Variants in MIA2 observed in about 807,000 individuals in gnomAD.
MIA2 encodes the protein MIA SH3 domain ER export factor 2.
In MIA2, 127 loss-of-function variants were observed where a neutral mutation model predicts 167.8. The observed-to-expected ratio is 0.76, with a 90% CI of 0.66 to 0.88. The LOEUF (loss-of-function observed/expected upper bound fraction) is 0.88. Ranked by LOEUF, MIA2 falls within the 40% of genes least tolerant of loss-of-function variation. MIA2 has a pLI of 0.00. For missense variants in MIA2, 1,690 were observed against 1,624.7 expected (o/e 1.04, Z -0.69); for synonymous variants, 552 against 541.9 (o/e 1.02, Z -0.26).
chr14:39,246,506 C>T (rs2054318215), intron 3 of MIA2, among the ~76,000 whole-genome samples: 1 of 152,096 alleles, frequency 6.6e-6, no homozygotes. Context: ...ATGCTTGAGG[C>T]CAGAAGTTCA....
intron 20 of MIA2, 25 bp from the exon 21 acceptor site, chr14:39,315,658 G>C: frequency 6.6e-7 from 1 of 1,518,038 alleles, no homozygotes; most frequent in Non-Finnish European, 9.1e-7. Context: ...ATGGTCAGTA[G>C]CATTTTAATT....
rs1566746769 is a variant in MIA2, at chr14:39,288,449, A to ATTTTTTTTTT, written c.2131-2569_2131-2568insTTTTTTTTTT. 6.9e-4 allele frequency among the ~76,000 whole-genome samples: 3 copies of ATTTTTTTTTT among 4,376 alleles called. 1 individual carries two copies. Among genetic ancestry groups the ATTTTTTTTTT allele is most frequent in the East Asian group, 8.0e-3 (2 of 250 alleles). 2.9% of individuals were successfully genotyped at this position (4,376 alleles called of 152,430 possible). A position where few individuals can be genotyped will look rare whatever the true frequency, so the allele number is the denominator to read the frequency against. The stretch of plus-strand genomic sequence containing the variant: ...ATATTATACATATATATATATATAT[A>ATTTTTTTTTT]TATATATATATATATATATATATAT... On this transcript the variant is annotated intron_variant, in intron 9 of 28. Transcript: ENST00000640607.
intron 10 of MIA2, 75 bp downstream of exon 10, chr14:39,291,171 T>A: frequency 7.8e-7 from 1 of 1,289,458 alleles, no homozygotes; most frequent in Non-Finnish European, 1.1e-6. Flanking sequence ...AAAATGTATC[T>A]TCTGAAAACT....
chr14:39,346,421 G>A (rs932526005), intron 26 of MIA2, among the ~76,000 whole-genome samples: 1 of 151,996 alleles, frequency 6.6e-6, no homozygotes, highest in Non-Finnish European at 1.5e-5. Context: ...TGTTGATATT[G>A]TAATCAGTTA....
At chr14:39,267,653 C>T (rs2056166236) in intron 6 of MIA2, 23 of 1,075,524 alleles carry the variant, frequency 2.1e-5, no homozygotes, top group Non-Finnish European at 3.0e-5. Context: ...TCGTCTGCTG[C>T]CCGGCTCCCG....
At chr14:39,269,082 T>TTTTTTTTTA in intron 6 of MIA2, 1 of 883,356 alleles carries the variant, frequency 1.1e-6, no homozygotes, top group Non-Finnish European at 1.3e-6. Context: ...CAGTTTTTTT[T>TTTTTTTTTA]TTTTTTTTTT....
intron 16 of MIA2, 134 bp downstream of exon 16, chr14:39,303,658 A>T: frequency 1.7e-6 from 1 of 575,048 alleles, no homozygotes; most frequent in South Asian, 2.6e-5. Flanking sequence ...CAGAATTTTC[A>T]TCATCAATTG....
chr14:39,318,325 T>A (rs1288282902), intron 22 of MIA2, among the ~76,000 whole-genome samples: 1 of 152,166 alleles, frequency 6.6e-6, no homozygotes, highest in East Asian at 1.9e-4. Context: ...TCTGACATAG[T>A]AATGCCCAGA....
intron 18 of MIA2, among the ~76,000 whole-genome samples, chr14:39,311,506 C>A (rs1428640986): frequency 3.7e-5 from 4 of 106,792 alleles, no homozygotes; most frequent in Non-Finnish European, 6.8e-5. Flanking sequence ...GAGATGAAGT[C>A]TTGCTGCGAT....
downstream of MIA2, among the ~76,000 whole-genome samples, chr14:39,356,328 A>G (rs1235705043): frequency 6.6e-6 from 1 of 152,104 alleles, no homozygotes; most frequent in Non-Finnish European, 1.5e-5. Flanking sequence ...CAGATTTTCT[A>G]GTTTATTTGC....
At chr14:39,260,178 T>C (rs1416355251) in intron 6 of MIA2, among the ~76,000 whole-genome samples, 4 of 152,246 alleles carry the variant, frequency 2.6e-5, no homozygotes, top group African/African-American at 9.6e-5. Flanking sequence ...CGTGTGCATG[T>C]GTCATTATAG....
chr14:39,328,717 T>C (rs71229018), intron 25 of MIA2, among the ~76,000 whole-genome samples: 3,081 of 152,322 alleles, frequency 0.02, 106 homozygotes, highest in African/African-American at 0.068. Context: ...ATTTATTAAA[T>C]AGGGAATCCT....
chr14:39,282,915 G>A (rs2059150700), intron 9 of MIA2, among the ~76,000 whole-genome samples: 1 of 152,030 alleles, frequency 6.6e-6, no homozygotes, highest in Admixed American at 6.6e-5. Flanking sequence ...ACCCAACACT[G>A]CTAACCACTG....
At chr14:39,270,853 T>C (rs2057018026) in intron 6 of MIA2, among the ~76,000 whole-genome samples, 1 of 152,228 alleles carries the variant, frequency 6.6e-6, no homozygotes, top group Non-Finnish European at 1.5e-5. Context: ...TTTATACATT[T>C]AGGGTGCTAA....
chr14:39,263,127 A>T (rs1313792023), intron 6 of MIA2, among the ~76,000 whole-genome samples: 2 of 152,250 alleles, frequency 1.3e-5, no homozygotes, highest in East Asian at 3.9e-4. Flanking sequence ...GTTTTTGCCC[A>T]TTCAGTATGA....
intron 23 of MIA2, among the ~76,000 whole-genome samples, chr14:39,374,001 A>G (rs924645204): frequency 3.9e-5 from 6 of 152,198 alleles, no homozygotes; most frequent in African/African-American, 7.2e-5. Context: ...TCAACAAGCA[A>G]ACTCAAGGTG....
At chr14:39,348,602 C>G (rs2073906833) in intron 27 of MIA2, 141 bp from the exon 28 acceptor site, 1 of 1,227,962 alleles carries the variant, frequency 8.1e-7, no homozygotes, top group Non-Finnish European at 1.2e-6. Flanking sequence ...CTGTGGAAAG[C>G]TGTTTGAATC....
At chr14:39,312,198 A>C (rs1230022576) in intron 18 of MIA2, among the ~76,000 whole-genome samples, 4 of 152,104 alleles carry the variant, frequency 2.6e-5, no homozygotes, top group African/African-American at 9.7e-5. Context: ...TAATAGGCCC[A>C]CCCAAATTCA....
intron 6 of MIA2, chr14:39,253,382 T>C: frequency 1.5e-6 from 1 of 671,970 alleles, no homozygotes; most frequent in Non-Finnish European, 2.4e-6. Context: ...GTTTTGTTGA[T>C]GTTGATCTTG....
Sources: gnomAD v4.1 joint callset for allele counts (sites outside exome capture counted in the v4.1 genomes callset) on GRCh38, gnomAD v4.1.1 for gene constraint, MANE v1.5 for transcripts, NCBI Gene and HGNC (gene_info 2026-07-23, HGNC 2026-07-21) for gene names.